Variants in JADE3 observed in about 807,000 individuals in gnomAD.
The protein encoded by JADE3 is protein Jade-3.
JADE3 carries 2 observed loss-of-function variants against 50.1 expected under a neutral mutation model. That is an observed-to-expected ratio of 0.04 (90% CI 0.02 to 0.13). The LOEUF (loss-of-function observed/expected upper bound fraction) is 0.13, where lower values mean the gene tolerates loss of function less well. Ranked by LOEUF, JADE3 falls within the 10% of genes least tolerant of loss-of-function variation. JADE3 has a pLI of 1.00. For missense variants in JADE3, 475 were observed against 634.4 expected (o/e 0.75, Z 2.70); for synonymous variants, 218 against 232.9 (o/e 0.94, Z 0.58).
chrX:46,966,012 G>A (rs1452311122), intron 1 of JADE3, among the ~76,000 whole-genome samples: 1 of 112,278 alleles, frequency 8.9e-6, no homozygotes, highest in Non-Finnish European at 1.9e-5. Context: ...TGCATTCTAG[G>A]TTTGAGGAAA....
chrX:47,005,826 C>A (rs1928401753), intron 4 of JADE3, among the ~76,000 whole-genome samples: 1 of 111,396 alleles, frequency 9.0e-6, no homozygotes, highest in African/African-American at 3.3e-5. Flanking sequence ...AACTCTCAGC[C>A]CCACCCAACA....
At chrX:46,965,719 G>A (rs1927352191) in intron 1 of JADE3, among the ~76,000 whole-genome samples, 1 of 112,043 alleles carries the variant, frequency 8.9e-6, no homozygotes, top group South Asian at 3.7e-4. Context: ...AAGCCTAGAG[G>A]TAGGAACTGC....
At chrX:46,985,070 A>G in intron 2 of JADE3, 130 bp downstream of exon 2, 1 of 505,342 alleles carries the variant, frequency 2.0e-6, no homozygotes. Flanking sequence ...AGGAAAATTC[A>G]GGGCACCATT....
At chrX:47,014,116 T>A (rs782809493) in intron 4 of JADE3, among the ~76,000 whole-genome samples, 1 of 112,494 alleles carries the variant, frequency 8.9e-6, no homozygotes, top group African/African-American at 3.2e-5. Flanking sequence ...CCCACTTGTT[T>A]AAAATTTCCA....
At chrX:46,938,243 CCT>C (rs1556341569) in intron 1 of JADE3, among the ~76,000 whole-genome samples, 1 of 110,011 alleles carries the variant, frequency 9.1e-6, no homozygotes, top group African/African-American at 3.3e-5. Context: ...GTTTTTATTT[CCT>C]CTTTTTTCCC....
intron 4 of JADE3, among the ~76,000 whole-genome samples, chrX:47,000,418 T>A (rs1569536924): frequency 9.0e-6 from 1 of 111,570 alleles, no homozygotes; most frequent in African/African-American, 3.3e-5. Context: ...TATCTACTTA[T>A]TGGAGGTGAT....
intron 8 of JADE3, among the ~76,000 whole-genome samples, chrX:47,043,698 AG>A (rs1458673383): frequency 4.6e-5 from 5 of 109,664 alleles, no homozygotes; most frequent in Admixed American, 2.0e-4. Context: ...GGGCGCCTGT[AG>A]TCCCAGCTAC....
intron 1 of JADE3, among the ~76,000 whole-genome samples, chrX:46,973,208 T>C (rs1927538306): frequency 8.9e-6 from 1 of 112,571 alleles, no homozygotes; most frequent in African/African-American, 3.2e-5. Flanking sequence ...ATAATTGTGG[T>C]TGACAAAGAA....
chrX:46,942,173 G>A (rs1926775795), intron 1 of JADE3, among the ~76,000 whole-genome samples: 1 of 111,470 alleles, frequency 9.0e-6, no homozygotes, highest in Non-Finnish European at 1.9e-5. Flanking sequence ...TAGGGTGTCT[G>A]TTTACTCTGT....
At chrX:47,006,326 C>A (rs1266323910) in intron 4 of JADE3, among the ~76,000 whole-genome samples, 1 of 110,689 alleles carries the variant, frequency 9.0e-6, no homozygotes, top group Non-Finnish European at 1.9e-5. Context: ...CTCTGTCACT[C>A]ACGCTGGAGT....
intron 4 of JADE3, among the ~76,000 whole-genome samples, chrX:47,018,555 C>T (rs1182987872): frequency 9.0e-6 from 1 of 111,480 alleles, no homozygotes; most frequent in Non-Finnish European, 1.9e-5. Context: ...AGGATGGTCT[C>T]GATCTCCTGA....
At chrX:46,917,750 A>G (rs1027792273) in intron 1 of JADE3, among the ~76,000 whole-genome samples, 1 of 106,068 alleles carries the variant, frequency 9.4e-6, no homozygotes, top group Non-Finnish European at 1.9e-5. Flanking sequence ...TCCAAGTACA[A>G]TGAGAGGTGT....
intron 8 of JADE3, among the ~76,000 whole-genome samples, chrX:47,053,328 G>A (rs1248738026): frequency 6.4e-5 from 7 of 109,625 alleles, no homozygotes; most frequent in African/African-American, 2.3e-4. Flanking sequence ...GTGTGATCTC[G>A]GCTCACTGCA....
chrX:46,966,871 T>C (rs1052585818), intron 1 of JADE3, among the ~76,000 whole-genome samples: 51 of 111,926 alleles, frequency 4.6e-4, no homozygotes, highest in African/African-American at 1.6e-3. Context: ...ATTTGGAAGT[T>C]AAAAGGCAGA....
At chrX:46,950,383 A>G (rs950036762) in intron 1 of JADE3, among the ~76,000 whole-genome samples, 4 of 112,712 alleles carry the variant, frequency 3.5e-5, no homozygotes, top group African/African-American at 1.3e-4. Context: ...ATAGAAGCGT[A>G]TAACATATGG....
At chrX:47,003,389 A>G (rs1261111277) in intron 4 of JADE3, among the ~76,000 whole-genome samples, 3 of 109,080 alleles carry the variant, frequency 2.8e-5, no homozygotes, top group African/African-American at 1.0e-4. Context: ...CTTGTCTCCA[A>G]ATACAGTCAC....
chrX:47,055,849 A>G (rs1379655922), intron 9 of JADE3, among the ~76,000 whole-genome samples: 1 of 112,170 alleles, frequency 8.9e-6, no homozygotes, highest in Non-Finnish European at 1.9e-5. Flanking sequence ...CAAAGAGAGT[A>G]GGTTTCAGAA....
At chrX:46,992,633 G>T (rs1257032135) in intron 3 of JADE3, among the ~76,000 whole-genome samples, 1 of 111,533 alleles carries the variant, frequency 9.0e-6, no homozygotes, top group Non-Finnish European at 1.9e-5. Flanking sequence ...AAAACGGGAG[G>T]TTGTTTTGTT....
intron 4 of JADE3, among the ~76,000 whole-genome samples, chrX:46,998,908 A>G (rs782046593): frequency 8.2e-5 from 9 of 110,369 alleles, no homozygotes; most frequent in Non-Finnish European, 1.5e-4. Context: ...CATGCTGGCC[A>G]GGCCGTTCTT....
Sources: allele counts gnomAD v4.1 joint callset (sites outside exome capture counted in the v4.1 genomes callset), GRCh38; gene constraint gnomAD v4.1.1; transcripts MANE v1.5; gene names NCBI Gene and HGNC (gene_info 2026-07-23, HGNC 2026-07-21).